Variants in NFIL3 observed in about 807,000 individuals in gnomAD.
NFIL3 encodes nuclear factor interleukin-3-regulated protein.
NFIL3 carries 5 observed loss-of-function variants against 10.0 expected under a neutral mutation model. The observed-to-expected ratio is 0.50, with a 90% confidence interval of 0.26 to 1.06. NFIL3 has a LOEUF of 1.06. Among genes scored for constraint, NFIL3 ranks in the 50% least tolerant of loss-of-function variants. NFIL3 has a pLI of 0.13. For synonymous variants in NFIL3, 202 were observed against 206.5 expected (o/e 0.98, Z 0.19); for missense variants, 436 against 547.6 (o/e 0.80, Z 2.03).
At chr9:91,464,176 T>C in the NFIL3 span, among the ~76,000 whole-genome samples, 12 of 152,098 alleles carry the variant, frequency 7.9e-5, no homozygotes, top group African/African-American at 2.7e-4. Context: ...ATACCTACCA[T>C]ATTTATTTTA....
the NFIL3 span, among the ~76,000 whole-genome samples, chr9:91,451,568 C>T: frequency 0.45 from 68,563 of 152,054 alleles, 19,322 homozygotes; most frequent in African/African-American, 0.79. Flanking sequence ...ATACAAGATC[C>T]TGATCACTCT....
chr9:91,481,010 C>T, the NFIL3 span, among the ~76,000 whole-genome samples: 1 of 152,170 alleles, frequency 6.6e-6, no homozygotes, highest in African/African-American at 2.4e-5. Flanking sequence ...TATTGGAGTA[C>T]TTCCTGACAT....
the NFIL3 span, among the ~76,000 whole-genome samples, chr9:91,443,496 C>T: frequency 6.6e-6 from 1 of 152,274 alleles, no homozygotes; most frequent in East Asian, 1.9e-4. Flanking sequence ...CCTTGGCCTC[C>T]CACTTGTGCT....
the NFIL3 span, among the ~76,000 whole-genome samples, chr9:91,462,025 G>A: frequency 6.6e-6 from 1 of 152,040 alleles, no homozygotes; most frequent in Non-Finnish European, 1.5e-5. Flanking sequence ...TATTCAATGG[G>A]TACTTAAAAC....
chr9:91,482,633 G>A, the NFIL3 span, among the ~76,000 whole-genome samples: 3 of 151,986 alleles, frequency 2.0e-5, no homozygotes, highest in African/African-American at 4.8e-5. Flanking sequence ...CCTAGTAGCT[G>A]GGATTACAGG....
the NFIL3 span, among the ~76,000 whole-genome samples, chr9:91,436,004 C>A: frequency 3.6e-3 from 548 of 152,236 alleles, 2 homozygotes; most frequent in African/African-American, 0.012. Flanking sequence ...AACAAAAAAA[C>A]CCAAAAAACT....
At chr9:91,477,663 C>T in the NFIL3 span, among the ~76,000 whole-genome samples, 16 of 152,080 alleles carry the variant, frequency 1.1e-4, no homozygotes, top group East Asian at 3.9e-4. Context: ...ATTTCAAGCA[C>T]GTAAAGAAAC....
chr9:91,472,287 C>G, the NFIL3 span, among the ~76,000 whole-genome samples: 208 of 152,284 alleles, frequency 1.4e-3, 2 homozygotes, highest in East Asian at 0.037. Flanking sequence ...TGGATAATAT[C>G]CTGCAGAGTG....
chr9:91,428,336 T>C (rs756650199), upstream of NFIL3, among the ~76,000 whole-genome samples: 1 of 152,152 alleles, frequency 6.6e-6, no homozygotes, highest in South Asian at 2.1e-4. Context: ...CCCCCAAACA[T>C]CCACTTTTCT....
At chr9:91,436,682 A>G in the NFIL3 span, among the ~76,000 whole-genome samples, 1 of 152,232 alleles carries the variant, frequency 6.6e-6, no homozygotes, top group African/African-American at 2.4e-5. Context: ...GACCTACGTC[A>G]TATGCCAGGA....
chr9:91,424,515 G>T (rs942796834), upstream of NFIL3, among the ~76,000 whole-genome samples: 3 of 152,188 alleles, frequency 2.0e-5, no homozygotes. Flanking sequence ...AGCTGCGCAG[G>T]GCTGCGCGGC....
the NFIL3 span, among the ~76,000 whole-genome samples, chr9:91,437,960 C>T: frequency 2.0e-5 from 3 of 152,320 alleles, no homozygotes; most frequent in East Asian, 5.8e-4. Flanking sequence ...GGTAGTGCTG[C>T]AGTAAACACG....
At chr9:91,433,996 C>T in the NFIL3 span, among the ~76,000 whole-genome samples, 1 of 151,872 alleles carries the variant, frequency 6.6e-6, no homozygotes, top group Non-Finnish European at 1.5e-5. Context: ...AGAAGCCAAA[C>T]AAGTAAAAAA....
chr9:91,430,238 C>T, the NFIL3 span, among the ~76,000 whole-genome samples: 1 of 152,148 alleles, frequency 6.6e-6, no homozygotes, highest in Non-Finnish European at 1.5e-5. Context: ...AACAAGTGAG[C>T]ATGTACATCT....
At chr9:91,477,312 C>A in the NFIL3 span, among the ~76,000 whole-genome samples, 12 of 152,178 alleles carry the variant, frequency 7.9e-5, no homozygotes, top group Admixed American at 2.6e-4. Flanking sequence ...TCACATAGAA[C>A]CCCCTCGTGC....
Position 91,409,312 on chromosome 9 carries a change from C to G in NFIL3, c.*34G>C. 6.6e-7 allele frequency: 1 copy of G among 1,521,680 alleles called. No individual in the cohort carries two copies. The highest frequency in any genetic ancestry group is 8.8e-7 in the Non-Finnish European group (1 of 1,137,082). The allele number at this position is 1,521,680 out of a possible 1,614,324, so 94.3% of individuals were successfully genotyped here. Reference sequence around the variant, plus strand: ...TGGACTGCTCTATTGCAAATGACATCTTTCTAAATGCCCAGCTCTTACTCA... The same window carrying G: ...TGGACTGCTCTATTGCAAATGACATGTTTCTAAATGCCCAGCTCTTACTCA... On this transcript the variant is annotated 3_prime_UTR_variant, in exon 2 of 2. Coordinates refer to ENST00000297689, the MANE Select transcript of NFIL3 (RefSeq NM_005384.3).
the NFIL3 span, among the ~76,000 whole-genome samples, chr9:91,434,668 G>A: frequency 1.3e-5 from 2 of 151,962 alleles, no homozygotes; most frequent in African/African-American, 4.8e-5. Context: ...CTAGAAAAAG[G>A]TTTAACATTC....
At chr9:91,412,149 A>T (rs532758100) in intron 1 of NFIL3, among the ~76,000 whole-genome samples, 13 of 151,390 alleles carry the variant, frequency 8.6e-5, no homozygotes, top group African/African-American at 3.1e-4. Flanking sequence ...AAAAACACTT[A>T]CTATTCAAAG....
the NFIL3 span, among the ~76,000 whole-genome samples, chr9:91,431,760 C>T: frequency 6.6e-6 from 1 of 152,142 alleles, no homozygotes; most frequent in East Asian, 1.9e-4. Context: ...GGGATGGTTC[C>T]CAGTGCAGGA....
Sources: allele counts gnomAD v4.1 joint callset (sites outside exome capture counted in the v4.1 genomes callset), GRCh38; gene constraint gnomAD v4.1.1; transcripts MANE v1.5; gene names NCBI Gene and HGNC (gene_info 2026-07-23, HGNC 2026-07-21).